The following CNTNAP2 variants were observed in gnomAD, a reference collection of about 807,000 sequenced individuals.
CNTNAP2 encodes contactin-associated protein-like 2.
CNTNAP2 carries 98 observed loss-of-function variants against 155.2 expected under a neutral mutation model. The ratio of observed to expected loss-of-function variants is 0.63; its 90% CI spans 0.54 to 0.75. The LOEUF (loss-of-function observed/expected upper bound fraction) is 0.75, where lower values mean the gene tolerates loss of function less well. CNTNAP2 is among the 30% of genes least tolerant of loss of function. CNTNAP2 has a pLI of 0.00. For synonymous variants in CNTNAP2, 651 were observed against 631.2 expected (o/e 1.03, Z -0.47); for missense variants, 1,727 against 1,688.1 (o/e 1.02, Z -0.40).
chr7:148,254,990 T>A (rs561730348), intron 20 of CNTNAP2, among the ~76,000 whole-genome samples: 1 of 152,268 alleles, frequency 6.6e-6, no homozygotes, highest in East Asian at 1.9e-4. Context: ...AAATGCCATA[T>A]AAAATTAATT....
intron 21 of CNTNAP2, among the ~76,000 whole-genome samples, chr7:148,278,123 A>T (rs1796908319): frequency 6.6e-6 from 1 of 152,206 alleles, no homozygotes; most frequent in Admixed American, 6.5e-5. Context: ...GAGAAGAGAA[A>T]CTTGCTTTCC....
chr7:146,127,024 G>C (rs1037545330), intron 1 of CNTNAP2, among the ~76,000 whole-genome samples: 2 of 152,046 alleles, frequency 1.3e-5, no homozygotes, highest in African/African-American at 4.8e-5. Context: ...CACAAATCTT[G>C]TTATAGTACT....
At chr7:146,422,819 G>A (rs1453384149) in intron 1 of CNTNAP2, among the ~76,000 whole-genome samples, 1 of 151,994 alleles carries the variant, frequency 6.6e-6, no homozygotes, top group Admixed American at 6.6e-5. Context: ...GTGATAGTCT[G>A]CCCATTCAAA....
At chr7:148,177,483 G>T (rs1794960080) in intron 18 of CNTNAP2, among the ~76,000 whole-genome samples, 1 of 152,242 alleles carries the variant, frequency 6.6e-6, no homozygotes, top group Non-Finnish European at 1.5e-5. Flanking sequence ...CTTGCTTTCA[G>T]ACTTCTGGCT....
Position 147,996,544 on chromosome 7 carries a change from T to C in CNTNAP2, c.2383+18555T>C, listed in dbSNP as rs531406404. On this transcript the variant is annotated intron_variant, in intron 15 of 23. Coordinates refer to ENST00000361727, the MANE Select transcript of CNTNAP2 (RefSeq NM_014141.6). ...TTCACTAAGCTTCAATTTCCTCATC[T>C]GTAAAATAGAAATAATTGTGCTAGT... Among the ~76,000 whole-genome samples the C allele has an allele frequency of 3.9e-5, 6 of 152,310 alleles. No homozygotes were observed. The South Asian group carries it at 6.2e-4, about 16-fold the overall frequency.
chr7:147,009,889 T>C (rs1389884429), intron 3 of CNTNAP2, among the ~76,000 whole-genome samples: 1 of 152,170 alleles, frequency 6.6e-6, no homozygotes, highest in African/African-American at 2.4e-5. Context: ...TAGATGTATA[T>C]GAAAATACAT....
chr7:146,243,948 AGGGGCG>A (rs1245430960), intron 1 of CNTNAP2, among the ~76,000 whole-genome samples: 1 of 152,112 alleles, frequency 6.6e-6, no homozygotes, highest in African/African-American at 2.4e-5. Flanking sequence ...GAGCGGGATT[AGGGGCG>A]GTGTGGGAAC....
intron 3 of CNTNAP2, among the ~76,000 whole-genome samples, chr7:146,890,601 C>T (rs543897025): frequency 6.6e-6 from 1 of 152,254 alleles, no homozygotes; most frequent in African/African-American, 2.4e-5. Flanking sequence ...TATAGCTTCT[C>T]ATCATCATTT....
intron 13 of CNTNAP2, among the ~76,000 whole-genome samples, chr7:147,642,445 T>C (rs1795294399): frequency 6.6e-6 from 1 of 152,132 alleles, no homozygotes; most frequent in African/African-American, 2.4e-5. Flanking sequence ...CTCCTGGTCT[T>C]GCAGTTCAGC....
chr7:147,698,372 G>A (rs887184298), intron 13 of CNTNAP2, among the ~76,000 whole-genome samples: 2 of 152,036 alleles, frequency 1.3e-5, no homozygotes, highest in African/African-American at 2.4e-5. Context: ...AAGAGAAGGG[G>A]CTCCAACACA....
chr7:146,269,339 A>AAATCAATC (rs149360313), intron 1 of CNTNAP2, among the ~76,000 whole-genome samples: 4 of 149,700 alleles, frequency 2.7e-5, no homozygotes, highest in Admixed American at 6.6e-5. Flanking sequence ...ACTCCATCTC[A>AAATCAATC]AATCAATCAA....
At chr7:146,458,994 T>C (rs1468725405) in intron 1 of CNTNAP2, among the ~76,000 whole-genome samples, 1 of 152,140 alleles carries the variant, frequency 6.6e-6, no homozygotes, top group African/African-American at 2.4e-5. Flanking sequence ...ATATGTCACT[T>C]CTTGTTGGTT....
At chr7:146,508,313 C>T (rs890062806) in intron 1 of CNTNAP2, among the ~76,000 whole-genome samples, 1 of 152,194 alleles carries the variant, frequency 6.6e-6, no homozygotes, top group Non-Finnish European at 1.5e-5. Flanking sequence ...AGTCTGAATT[C>T]TCTGACCGTG....
chr7:146,633,309 C>T (rs1799540401), intron 1 of CNTNAP2, among the ~76,000 whole-genome samples: 1 of 152,158 alleles, frequency 6.6e-6, no homozygotes, highest in South Asian at 2.1e-4. Context: ...TAATTTTCAC[C>T]ATTATTCCAT....
intron 13 of CNTNAP2, among the ~76,000 whole-genome samples, chr7:147,645,204 G>A (rs894897606): frequency 6.6e-6 from 1 of 152,078 alleles, no homozygotes; most frequent in African/African-American, 2.4e-5. Flanking sequence ...GCTTTGAAAA[G>A]ACAAGAAAAC....
Position 146,347,148 on chromosome 7 carries a change from A to C in CNTNAP2, c.97+230175A>C, listed in dbSNP as rs546812719. On this transcript the variant is annotated intron_variant, in intron 1 of 23. Coordinates refer to ENST00000361727, the MANE Select transcript of CNTNAP2 (RefSeq NM_014141.6). The stretch of plus-strand genomic sequence containing the variant: ...GGAATCCATACTCTGTAAAAAAAAA[A>C]AAAAAAAAAAAAACCCTGCCTGTGC... 7.9e-5 allele frequency among the ~76,000 whole-genome samples: 12 copies of C among 151,566 alleles called. No homozygotes were observed. The South Asian group carries it at 2.5e-3, about 31-fold the overall frequency.
chr7:146,676,547 G>A (rs896151536), intron 1 of CNTNAP2, among the ~76,000 whole-genome samples: 1 of 152,042 alleles, frequency 6.6e-6, no homozygotes, highest in African/African-American at 2.4e-5. Context: ...TTGGGGTACA[G>A]ATCCCATCAC....
chr7:148,184,368 C>T (rs1467016794), intron 18 of CNTNAP2, among the ~76,000 whole-genome samples: 2 of 152,220 alleles, frequency 1.3e-5, no homozygotes, highest in Non-Finnish European at 2.9e-5. Flanking sequence ...TCAACTTTAA[C>T]ATTACTAAAT....
chr7:147,545,370 G>A (rs1393324630), intron 11 of CNTNAP2, among the ~76,000 whole-genome samples: 1 of 151,952 alleles, frequency 6.6e-6, no homozygotes, highest in East Asian at 1.9e-4. Context: ...GAGTAAATTT[G>A]GTTAGTATGA....
Sources: allele counts gnomAD v4.1 joint callset (sites outside exome capture counted in the v4.1 genomes callset), GRCh38; gene constraint gnomAD v4.1.1; transcripts MANE v1.5; gene names NCBI Gene and HGNC (gene_info 2026-07-23, HGNC 2026-07-21).